The following PHACTR3 variants were observed in gnomAD, a reference collection of about 807,000 sequenced individuals.
The protein encoded by PHACTR3 is protein phosphatase 1, regulatory subunit 123.
Under a neutral mutation model 66.8 loss-of-function variants are expected in PHACTR3, and 16 were observed. The ratio of observed to expected loss-of-function variants is 0.24; its 90% CI spans 0.16 to 0.36. PHACTR3 has a LOEUF of 0.36. PHACTR3 is among the 10% of genes least tolerant of loss of function. The pLI is 1.00. For missense variants in PHACTR3, 647 were observed against 719.9 expected, an observed-to-expected ratio of 0.90 and a Z score of 1.16; for synonymous variants, 323 against 292.1, an observed-to-expected ratio of 1.11 and a Z score of -1.08.
At chr20:59,795,053 G>T (rs539443154) in intron 7 of PHACTR3, among the ~76,000 whole-genome samples, 148 of 151,698 alleles carry the variant, frequency 9.8e-4, no homozygotes, top group African/African-American at 3.4e-3. Context: ...GTTGAGTTTG[G>T]TCTTTTCCTG....
chr20:59,610,262 A>G (rs1426994382), intron 1 of PHACTR3, among the ~76,000 whole-genome samples: 2 of 152,204 alleles, frequency 1.3e-5, no homozygotes, highest in Non-Finnish European at 2.9e-5. Context: ...CTCCAAAGAA[A>G]CAAAATTCCT....
At chr20:59,582,753 C>T (rs1165640422) in intron 1 of PHACTR3, among the ~76,000 whole-genome samples, 1 of 151,970 alleles carries the variant, frequency 6.6e-6, no homozygotes, top group Non-Finnish European at 1.5e-5. Context: ...CCTCTTTTTC[C>T]AGGGGGGTCG....
chr20:59,694,364 G>A (rs1303523650), intron 1 of PHACTR3, among the ~76,000 whole-genome samples: 2 of 152,046 alleles, frequency 1.3e-5, no homozygotes, highest in African/African-American at 4.8e-5. Context: ...CAAACTGTAA[G>A]CTCTGTGAAG....
At chr20:59,602,211 TCCCC>T (rs2033496760), upstream of PHACTR3, among the ~76,000 whole-genome samples, 2 of 152,042 alleles carry the variant, frequency 1.3e-5, no homozygotes, top group African/African-American at 4.8e-5. Context: ...AGTGCCGTGG[TCCCC>T]CCCACCAATG....
chr20:59,757,447 G>T (rs1160597021), intron 4 of PHACTR3, among the ~76,000 whole-genome samples: 1 of 152,250 alleles, frequency 6.6e-6, no homozygotes, highest in Non-Finnish European at 1.5e-5. Context: ...TGGGCAGAGA[G>T]CGAGGTGCAG....
intron 1 of PHACTR3, among the ~76,000 whole-genome samples, chr20:59,668,561 A>G (rs2036078083): frequency 6.6e-6 from 1 of 152,162 alleles, no homozygotes; most frequent in Non-Finnish European, 1.5e-5. Context: ...ACCATTTAAG[A>G]TACATCTCTT....
intron 1 of PHACTR3, among the ~76,000 whole-genome samples, chr20:59,670,605 TGGG>T (rs34092952): frequency 2.1e-5 from 1 of 47,126 alleles, no homozygotes; most frequent in African/African-American, 4.8e-5. Context: ...CTGCCGGGGG[TGGG>T]GGGGGGGGGC....
At chr20:59,748,733 G>T (rs1470223461) in intron 3 of PHACTR3, among the ~76,000 whole-genome samples, 3 of 152,076 alleles carry the variant, frequency 2.0e-5, no homozygotes, top group Admixed American at 2.0e-4. Flanking sequence ...CCAAGCTCTG[G>T]CCTGCTGATT....
At chr20:59,672,924 CCT>C (rs1418215284) in intron 1 of PHACTR3, among the ~76,000 whole-genome samples, 1 of 152,074 alleles carries the variant, frequency 6.6e-6, no homozygotes. Context: ...TGGGGCTTAG[CCT>C]AGGCTGTGGT....
chr20:59,737,508 G>A (rs1350288845), intron 1 of PHACTR3, among the ~76,000 whole-genome samples: 3 of 141,660 alleles, frequency 2.1e-5, no homozygotes, highest in Admixed American at 7.2e-5. Context: ...GTGTCTGTGT[G>A]CGTGCATGTG....
At chr20:59,696,079 C>T (rs534637073) in intron 1 of PHACTR3, among the ~76,000 whole-genome samples, 1 of 152,290 alleles carries the variant, frequency 6.6e-6, no homozygotes, top group South Asian at 2.1e-4. Flanking sequence ...ATATCCTTAG[C>T]CCAGTTCCAT....
chr20:59,713,129 C>T (rs2037965519), intron 1 of PHACTR3, among the ~76,000 whole-genome samples: 1 of 152,228 alleles, frequency 6.6e-6, no homozygotes, highest in African/African-American at 2.4e-5. Context: ...GGGAAAACAG[C>T]TCTCCTGGGT....
At chr20:59,766,903 C>T (rs79387424) in intron 4 of PHACTR3, among the ~76,000 whole-genome samples, 3,403 of 152,300 alleles carry the variant, frequency 0.022, 58 homozygotes, top group Non-Finnish European at 0.035. Context: ...ATGGTGAACA[C>T]TGCTCCTAGG....
At chr20:59,640,650 G>A (rs2035070363) in intron 1 of PHACTR3, among the ~76,000 whole-genome samples, 1 of 152,182 alleles carries the variant, frequency 6.6e-6, no homozygotes, top group Non-Finnish European at 1.5e-5. Flanking sequence ...AGGTTTCCAT[G>A]CATCAAACCA....
chr20:59,786,179 C>T lies in PHACTR3; in HGVS notation c.1174+11689C>T, dbSNP rs192861724. Reference sequence around the variant, plus strand: ...TGCCCTGCTCATTCCCCAGCTTCTGCGTGTGTGCCCCCAGGGAGTGCAGGC... The same window carrying T: ...TGCCCTGCTCATTCCCCAGCTTCTGTGTGTGTGCCCCCAGGGAGTGCAGGC... On this transcript the variant is annotated intron_variant, in intron 7 of 12. Transcript: ENST00000371015. 1.6e-4 allele frequency among the ~76,000 whole-genome samples: 24 copies of T among 152,310 alleles called. No homozygotes were observed. The South Asian group carries it at 1.7e-3, about 11-fold the overall frequency.
intron 8 of PHACTR3, among the ~76,000 whole-genome samples, chr20:59,821,507 C>T (rs1470147553): frequency 6.6e-6 from 1 of 152,194 alleles, no homozygotes; most frequent in African/African-American, 2.4e-5. Flanking sequence ...CTACCTACTG[C>T]TCCTTGGTTG....
intron 8 of PHACTR3, among the ~76,000 whole-genome samples, chr20:59,824,655 A>G (rs2042133968): frequency 6.6e-6 from 1 of 152,208 alleles, no homozygotes; most frequent in African/African-American, 2.4e-5. Flanking sequence ...CCCATGTGGA[A>G]GGATGTTCAC....
At chr20:59,833,779 A>G (rs1419082571) in intron 8 of PHACTR3, among the ~76,000 whole-genome samples, 1 of 152,208 alleles carries the variant, frequency 6.6e-6, no homozygotes, top group Non-Finnish European at 1.5e-5. Flanking sequence ...AGTTATAGGT[A>G]AAGAAAGGCA....
intron 1 of PHACTR3, among the ~76,000 whole-genome samples, chr20:59,674,714 T>C (rs1306009158): frequency 1.2e-5 from 1 of 84,730 alleles, no homozygotes; most frequent in African/African-American, 4.6e-5. Context: ...TGTCCCCCCT[T>C]CTCCTGTTCC....
Sources: allele counts gnomAD v4.1 joint callset (sites outside exome capture counted in the v4.1 genomes callset), GRCh38; gene constraint gnomAD v4.1.1; transcripts MANE v1.5; gene names NCBI Gene and HGNC (gene_info 2026-07-23, HGNC 2026-07-21).